Variants in PAM observed in about 807,000 individuals in gnomAD.
The protein encoded by PAM is peptidylglycine alpha-amidating monooxygenase.
In PAM, 72 loss-of-function variants were observed where a neutral mutation model predicts 122.1. That is an observed-to-expected ratio of 0.59 (90% CI 0.49 to 0.72). The LOEUF (loss-of-function observed/expected upper bound fraction) is 0.72. Ranked by LOEUF, PAM falls within the 30% of genes least tolerant of loss-of-function variation. The probability of loss-of-function intolerance (pLI) is 0.00; values close to 1 mark genes in which losing one functional copy is unlikely to be tolerated. For synonymous variants in PAM, 389 were observed against 404.4 expected (o/e 0.96, Z 0.46); for missense variants, 1,106 against 1,183.7 (o/e 0.93, Z 0.96).
chr5:102,979,410 G>T lies in PAM; in HGVS notation c.1483+4974G>T. ...ATAGTTTTAGTTAATTATAGTTATT[G>T]CTGGCATTTCTGATGAATAACAATC... On this transcript the variant is annotated intron_variant, in intron 15 of 25. Coordinates refer to ENST00000438793, the MANE Select transcript of PAM (RefSeq NM_001177306.2). Among the ~76,000 whole-genome samples, 3 of 152,104 alleles carry T rather than the reference G, an allele frequency of 2.0e-5. No homozygotes were observed. In the South Asian group the frequency reaches 6.2e-4, roughly 32 times the overall value.
chr5:102,766,221 C>T (rs986172508), intron 1 of PAM, among the ~76,000 whole-genome samples: 7 of 152,150 alleles, frequency 4.6e-5, no homozygotes, highest in Non-Finnish European at 1.0e-4. Flanking sequence ...ATTTATTATG[C>T]ACTTTATTGC....
At chr5:102,931,822 CTCTCTCTCTCTG>C (rs372591079) in intron 7 of PAM, among the ~76,000 whole-genome samples, 43 of 152,110 alleles carry the variant, frequency 2.8e-4, no homozygotes, top group African/African-American at 9.4e-4. Context: ...CTCTCTCTCT[CTCTCTCTCTCTG>C]TCTCTCTCGG....
rs1748941014 is a variant in PAM, at chr5:102,925,028, C to T, written c.428C>T (p.Thr143Ile). The T allele has an allele frequency of 1.3e-6, 2 of 1,563,500 alleles. No individual in the cohort carries two copies. The highest frequency in any genetic ancestry group is 1.8e-6 in the Non-Finnish European group (2 of 1,133,692). ...LYAWARNAPP[T>I]RLPKGVGFRV... ...GCCTGGGCGAGAAATGCTCCCCCTA[C>T]CCGGCTCCCCAAAGGTATGTCAGAG... Residue 143 changes from threonine to isoleucine, a missense_variant, in exon 6 of 26, where the codon ACC (threonine) becomes ATC (isoleucine). Transcript: ENST00000438793.
In PAM at chr5:102,836,859, C is replaced by CGAGAGAGAGAGAGA. The variant is rs57617414; in HGVS notation, c.-373-28938_-373-28925dup. 4.7e-3 allele frequency among the ~76,000 whole-genome samples: 566 copies of CGAGAGAGAGAGAGA among 120,778 alleles called. 23 individuals carry two copies. Among genetic ancestry groups the CGAGAGAGAGAGAGA allele is most frequent in the African/African-American group, 0.018 (505 of 27,990 alleles). The allele number at this position is 120,778 out of a possible 152,430, so 79.2% of individuals were successfully genotyped here. On this transcript the variant is annotated intron_variant, in intron 1 of 25. Transcript: ENST00000438793. Reference sequence around the variant, plus strand: ...ATTATGGATGGACCAAGAAAGAAACCGAGAGAGAGAGAGAGAGAGAGAGAG... The same window carrying CGAGAGAGAGAGAGA: ...ATTATGGATGGACCAAGAAAGAAACCGAGAGAGAGAGAGAGAGAGAGAGAGAGAGAGAGAGAGAG...
chr5:102,872,242 C>G (rs1434878408), intron 3 of PAM, among the ~76,000 whole-genome samples: 2 of 152,136 alleles, frequency 1.3e-5, no homozygotes, highest in African/African-American at 4.8e-5. Flanking sequence ...GCACATATAT[C>G]TATTGCCAGG....
At chr5:103,027,361 A>G (rs1785249368) in intron 24 of PAM, among the ~76,000 whole-genome samples, 1 of 152,076 alleles carries the variant, frequency 6.6e-6, no homozygotes, top group Non-Finnish European at 1.5e-5. Flanking sequence ...CATCTGCGCT[A>G]TCTTTTTCCA....
chr5:102,805,963 C>G (rs990694490), intron 1 of PAM, among the ~76,000 whole-genome samples: 3 of 152,080 alleles, frequency 2.0e-5, no homozygotes, highest in African/African-American at 7.2e-5. Flanking sequence ...TGCTGGTGGT[C>G]TTCCATATTT....
At chr5:102,992,829 CT>C (rs1485000622) in intron 16 of PAM, among the ~76,000 whole-genome samples, 29 of 152,044 alleles carry the variant, frequency 1.9e-4, no homozygotes, top group African/African-American at 6.5e-4. Flanking sequence ...ATTGTAGGTT[CT>C]ATAAGACCAG....
chr5:102,837,271 G>A (rs750146009), intron 1 of PAM, among the ~76,000 whole-genome samples: 2 of 152,038 alleles, frequency 1.3e-5, no homozygotes, highest in Non-Finnish European at 2.9e-5. Context: ...TGTTTTATTT[G>A]CTTCAGTTAT....
chr5:102,852,743 C>A (rs190262340), intron 1 of PAM, among the ~76,000 whole-genome samples: 2 of 152,174 alleles, frequency 1.3e-5, no homozygotes. Context: ...TACCTCCCAG[C>A]AAGATAATTT....
chr5:102,782,534 A>G (rs770297462), intron 1 of PAM, among the ~76,000 whole-genome samples: 3 of 152,242 alleles, frequency 2.0e-5, no homozygotes, highest in African/African-American at 4.8e-5. Flanking sequence ...ATGTTTATTG[A>G]GAAGTGAGAA....
intron 21 of PAM, among the ~76,000 whole-genome samples, chr5:103,014,877 G>T: frequency 6.6e-6 from 1 of 152,184 alleles, no homozygotes; most frequent in South Asian, 2.1e-4. Flanking sequence ...ACAGACTTGT[G>T]GTCCCTCATT....
chr5:102,921,595 G>T (rs767040961), intron 5 of PAM, among the ~76,000 whole-genome samples: 5 of 151,904 alleles, frequency 3.3e-5, no homozygotes, highest in East Asian at 1.9e-4. Flanking sequence ...TGTAAAACAG[G>T]GTTTTAAAAA....
At chr5:102,821,453 G>A (rs73189015) in intron 1 of PAM, among the ~76,000 whole-genome samples, 2,158 of 152,020 alleles carry the variant, frequency 0.014, 44 homozygotes, top group African/African-American at 0.05. Context: ...TTTCTTTCTG[G>A]GCCAGTTTTA....
intron 1 of PAM, among the ~76,000 whole-genome samples, chr5:102,834,592 T>G (rs1776396063): frequency 6.6e-6 from 1 of 152,082 alleles, no homozygotes. Flanking sequence ...GAAGATTCAC[T>G]GAGAAAGTGA....
intron 1 of PAM, among the ~76,000 whole-genome samples, chr5:102,774,354 C>T (rs1442062894): frequency 6.6e-6 from 1 of 151,904 alleles, no homozygotes; most frequent in East Asian, 1.9e-4. Context: ...TAAATGTTCC[C>T]TCATTTTTAT....
chr5:102,968,763 C>G (rs574987737), intron 14 of PAM, among the ~76,000 whole-genome samples: 70 of 152,200 alleles, frequency 4.6e-4, no homozygotes, highest in African/African-American at 1.7e-3. Context: ...GATTTTAAAT[C>G]ATTCTACTGT....
At chr5:102,912,300 C>T (rs991612257) in intron 4 of PAM, among the ~76,000 whole-genome samples, 2 of 151,596 alleles carry the variant, frequency 1.3e-5, no homozygotes, top group East Asian at 1.9e-4. Flanking sequence ...TTTTTAAAAA[C>T]GTGGGAGGGG....
At chr5:102,766,953 TTTTTG>T in intron 1 of PAM, among the ~76,000 whole-genome samples, 1 of 135,890 alleles carries the variant, frequency 7.4e-6, no homozygotes, top group Non-Finnish European at 1.6e-5. Context: ...TTTTTTTTTT[TTTTTG>T]CCATCATGCT....
Sources: allele counts gnomAD v4.1 joint callset (sites outside exome capture counted in the v4.1 genomes callset), GRCh38; gene constraint gnomAD v4.1.1; transcripts MANE v1.5; gene names NCBI Gene and HGNC (gene_info 2026-07-23, HGNC 2026-07-21).